ARHGAP26: variants seen among roughly 807,000 people sequenced by gnomAD.
ARHGAP26 encodes the protein rho GTPase-activating protein 26.
ARHGAP26 carries 38 observed loss-of-function variants against 104.8 expected under a neutral mutation model. The ratio of observed to expected loss-of-function variants is 0.36; its 90% CI spans 0.28 to 0.48. The LOEUF is 0.48. ARHGAP26 is among the 20% of genes least tolerant of loss of function. ARHGAP26 has a pLI of 0.99. For synonymous variants in ARHGAP26, 341 were observed against 340.0 expected, an observed-to-expected ratio of 1.00 and a Z score of -0.03; for missense variants, 704 against 947.9, an observed-to-expected ratio of 0.74 and a Z score of 3.38.
chr5:143,103,168 T>C (rs13167916), intron 17 of ARHGAP26: 17 of 915,732 alleles, frequency 1.9e-5, no homozygotes, highest in Non-Finnish European at 2.2e-5. Context: ...TTACCTGTTC[T>C]TTTGATTTGC....
chr5:143,094,378 A>G lies in ARHGAP26; in HGVS notation c.1539-26610A>G, dbSNP rs189369338. ...CCTCGCGTTGCTGAGAGCTCAGGTTATTCCTCGCACTGGGTGGGTCTTGAT... is the reference window on the plus strand; with the variant it reads ...CCTCGCGTTGCTGAGAGCTCAGGTTGTTCCTCGCACTGGGTGGGTCTTGAT... On this transcript the variant is annotated intron_variant, in intron 17 of 22. Transcript: ENST00000645722. 2.1e-3 allele frequency among the ~76,000 whole-genome samples: 312 copies of G among 152,120 alleles called. 3 individuals carry two copies. The highest frequency in any genetic ancestry group is 6.8e-3 in the Middle Eastern group (2 of 294).
At position 142,951,544 on chromosome 5, in the gene ARHGAP26, T is replaced by C. The variant is rs371752803; in HGVS notation, c.1107+19419T>C. On this transcript the variant is annotated intron_variant, in intron 11 of 22. Transcript: ENST00000645722. The stretch of plus-strand genomic sequence containing the variant: ...GCTGGGGTCTAATCTAGTCAGACTT[T>C]AGGCCAGTTAGCTAACTTTCAGGGC... 1.5e-4 allele frequency among the ~76,000 whole-genome samples: 23 copies of C among 152,322 alleles called. 1 individual carries two copies. The highest frequency in any genetic ancestry group is 4.8e-4 in the African/African-American group (20 of 41,574).
intron 17 of ARHGAP26, among the ~76,000 whole-genome samples, chr5:143,073,826 T>G (rs73796549): frequency 1.3e-5 from 2 of 152,224 alleles, no homozygotes; most frequent in Non-Finnish European, 2.9e-5. Flanking sequence ...AAGTTGTAAT[T>G]ATTTTTTAAT....
chr5:142,835,841 A>T (rs35296), intron 1 of ARHGAP26, among the ~76,000 whole-genome samples: 46,765 of 152,156 alleles, frequency 0.31, 9,897 homozygotes, highest in East Asian at 0.63. Context: ...TAGCTCTTAC[A>T]GTGATCTCAA....
intron 17 of ARHGAP26, chr5:143,058,296 T>A: frequency 4.2e-6 from 1 of 238,586 alleles, no homozygotes; most frequent in South Asian, 7.9e-5. Context: ...TTTTTGAAGT[T>A]ACATGCATTA....
intron 21 of ARHGAP26, among the ~76,000 whole-genome samples, chr5:143,210,429 G>C (rs1809272562): frequency 6.6e-6 from 1 of 152,104 alleles, no homozygotes; most frequent in Non-Finnish European, 1.5e-5. Flanking sequence ...ATGAGATTCA[G>C]GTGGGGACAC....
At chr5:143,142,346 C>T (rs895724417) in intron 19 of ARHGAP26, among the ~76,000 whole-genome samples, 1 of 151,806 alleles carries the variant, frequency 6.6e-6, no homozygotes, top group African/African-American at 2.4e-5. Flanking sequence ...ACCATACTGG[C>T]CAGGCTGCTA....
rs1292801329 is a variant in ARHGAP26 at position 143,227,892 on chromosome 5, C to T, written c.*5446C>T. 1 of 221,248 alleles carries T rather than the reference C, an allele frequency of 4.5e-6. No homozygotes were observed. Among genetic ancestry groups the T allele is most frequent in the Middle Eastern group, 1.3e-3 (1 of 744 alleles). 13.7% of individuals were successfully genotyped at this position (221,248 alleles called of 1,614,324 possible). On this transcript the variant is annotated 3_prime_UTR_variant, in exon 23 of 23. Coordinates refer to ENST00000645722, the MANE Select transcript of ARHGAP26 (RefSeq NM_001135608.3). ...AAGCGATCACAGAAAAATTTCACAG[C>T]TAATATTTTTACAAAAGTTGTGCCA...
intron 1 of ARHGAP26, among the ~76,000 whole-genome samples, chr5:142,829,186 G>T (rs1767902696): frequency 6.6e-6 from 1 of 152,166 alleles, no homozygotes; most frequent in African/African-American, 2.4e-5. Flanking sequence ...CTTGGTAAAG[G>T]GAGAGAGAAT....
Position 143,228,246 on chromosome 5 carries a change from T to C in ARHGAP26, c.*5800T>C, listed in dbSNP as rs1271786960. On this transcript the variant is annotated 3_prime_UTR_variant, in exon 23 of 23. Transcript: ENST00000645722. Reference sequence around the variant, plus strand: ...ATTCTAAAGTATATTTATGTGTGTGTGTATGTGTGTGTATACAGCACATAT... The same window carrying C: ...ATTCTAAAGTATATTTATGTGTGTGCGTATGTGTGTGTATACAGCACATAT... The C allele has an allele frequency of 4.5e-6, 1 of 224,140 alleles. No homozygotes were observed. Among genetic ancestry groups the C allele is most frequent in the Non-Finnish European group, 8.9e-6 (1 of 112,462 alleles). The allele number at this position is 224,140 out of a possible 1,614,324, so 13.9% of individuals were successfully genotyped here.
chr5:142,941,074 CAAAAAAAAAAAA>C (rs1162903888), intron 11 of ARHGAP26, among the ~76,000 whole-genome samples: 1 of 27,244 alleles, frequency 3.7e-5, no homozygotes, highest in Non-Finnish European at 6.4e-5. Context: ...GACTCCATCT[CAAAAAAAAAAAA>C]AAAAAAAAAA....
intron 17 of ARHGAP26, among the ~76,000 whole-genome samples, chr5:143,120,181 G>A (rs985716526): frequency 1.3e-5 from 2 of 152,172 alleles, no homozygotes; most frequent in Non-Finnish European, 2.9e-5. Flanking sequence ...TATACATGGG[G>A]CCAGCAAGTG....
At chr5:142,857,056 A>G (rs896541738) in intron 1 of ARHGAP26, among the ~76,000 whole-genome samples, 1 of 152,110 alleles carries the variant, frequency 6.6e-6, no homozygotes, top group Non-Finnish European at 1.5e-5. Flanking sequence ...GTTCCTTGGC[A>G]TGTAGCTGTG....
At chr5:143,072,767 T>C (rs1212763916) in intron 17 of ARHGAP26, among the ~76,000 whole-genome samples, 1 of 152,028 alleles carries the variant, frequency 6.6e-6, no homozygotes, top group Non-Finnish European at 1.5e-5. Context: ...TAGAGACTGG[T>C]AAGAGTAGGG....
At chr5:142,862,792 T>C (rs1753597985) in intron 1 of ARHGAP26, among the ~76,000 whole-genome samples, 1 of 152,244 alleles carries the variant, frequency 6.6e-6, no homozygotes, top group South Asian at 2.1e-4. Context: ...TGGCTTTCAC[T>C]GTAAGTTTAC....
intron 17 of ARHGAP26, among the ~76,000 whole-genome samples, chr5:143,108,903 G>A (rs1049305121): frequency 6.6e-6 from 1 of 152,228 alleles, no homozygotes; most frequent in African/African-American, 2.4e-5. Flanking sequence ...CAAGCTCTCA[G>A]CGCTGGGTCC....
Position 143,031,824 on chromosome 5 carries a change from G to A in ARHGAP26, c.1145-5372G>A, listed in dbSNP as rs573732444. The stretch of plus-strand genomic sequence containing the variant: ...CAGTCTCTGCCTCTTGGGTTCAAGC[G>A]ATTCAAGCCTCCTCCTTTTAGATAA... On this transcript the variant is annotated intron_variant, in intron 12 of 22. Coordinates refer to ENST00000645722, the MANE Select transcript of ARHGAP26 (RefSeq NM_001135608.3). Among the ~76,000 whole-genome samples the A allele has an allele frequency of 5.1e-4, 78 of 152,126 alleles. 1 individual carries two copies. The highest frequency in any genetic ancestry group is 9.9e-4 in the Non-Finnish European group (67 of 67,984).
chr5:143,066,426 C>G (rs1021729447), intron 17 of ARHGAP26, among the ~76,000 whole-genome samples: 1 of 152,174 alleles, frequency 6.6e-6, no homozygotes, highest in African/African-American at 2.4e-5. Context: ...AGTAATAGTG[C>G]CCACCCTTTT....
At chr5:143,084,522 C>T (rs143441289) in intron 17 of ARHGAP26, among the ~76,000 whole-genome samples, 227 of 152,258 alleles carry the variant, frequency 1.5e-3, no homozygotes, top group African/African-American at 5.2e-3. Context: ...TGGAGGGAGG[C>T]GTGTTTTTAA....
Sources: allele counts gnomAD v4.1 joint callset (sites outside exome capture counted in the v4.1 genomes callset), GRCh38; gene constraint gnomAD v4.1.1; transcripts MANE v1.5; gene names NCBI Gene and HGNC (gene_info 2026-07-23, HGNC 2026-07-21).